The following CYFIP2 variants were observed in gnomAD, a reference collection of about 807,000 sequenced individuals.
CYFIP2 encodes the protein cytoplasmic FMR1-interacting protein 2.
CYFIP2 carries 29 observed loss-of-function variants against 158.7 expected under a neutral mutation model. The ratio of observed to expected loss-of-function variants is 0.18; its 90% CI spans 0.14 to 0.25. CYFIP2 has a LOEUF of 0.25. Among genes scored for constraint, CYFIP2 ranks in the 10% least tolerant of loss-of-function variants. The probability of loss-of-function intolerance (pLI) is 1.00; values close to 1 mark genes in which losing one functional copy is unlikely to be tolerated. For missense variants in CYFIP2, 852 were observed against 1,639.5 expected, an observed-to-expected ratio of 0.52 and a Z score of 8.29; for synonymous variants, 585 against 617.6, an observed-to-expected ratio of 0.95 and a Z score of 0.78.
intron 26 of CYFIP2, among the ~76,000 whole-genome samples, chr5:157,370,274 CAG>C (rs760662932): frequency 1.3e-4 from 20 of 152,160 alleles, no homozygotes; most frequent in Non-Finnish European, 2.8e-4. Flanking sequence ...CTAGAGCTGC[CAG>C]AGTCTTGACA....
chr5:157,282,493 T>C (rs1482158872), intron 1 of CYFIP2, among the ~76,000 whole-genome samples: 1 of 152,226 alleles, frequency 6.6e-6, no homozygotes, highest in Non-Finnish European at 1.5e-5. Context: ...AGGGCAAGTA[T>C]CCTAACTATG....
At chr5:157,285,229 A>G (rs756275086) in intron 1 of CYFIP2, 110 bp from the exon 2 acceptor site, 22 of 699,586 alleles carry the variant, frequency 3.1e-5, no homozygotes, top group Non-Finnish European at 4.6e-5. Context: ...AGTGGCCTCA[A>G]TGCATTTTAA....
Position 157,339,099 on chromosome 5 carries a change from C to T in CYFIP2, c.2428C>T (p.Leu810=). The change falls in exon 22 of 31, where the codon CTG becomes TTG. Residue 810 remains leucine (L), a synonymous_variant. Coordinates refer to ENST00000620254, the MANE Select transcript of CYFIP2 (RefSeq NM_001037333.3). ...GGAGATTAACCGGCTCACGCATCGG[C>T]TGCTCTGTAAGCATATGACGCTGGA... ...LLEINRLTHR[L]LCKHMTLDSF... is the part of the protein sequence containing the mutation. 1 of 1,613,732 alleles carries T rather than the reference C, an allele frequency of 6.2e-7. No individual in the cohort carries two copies. The highest frequency in any genetic ancestry group is 8.5e-7 in the Non-Finnish European group (1 of 1,179,782).
At chr5:157,343,449 T>C in intron 23 of CYFIP2, 1 of 1,613,988 alleles carries the variant, frequency 6.2e-7, no homozygotes, top group Non-Finnish European at 8.5e-7. Context: ...CTGTACATAA[T>C]ATGGTAATAG....
At chr5:157,360,194 G>A (rs1462688883) in intron 24 of CYFIP2, 88 bp from the exon 25 acceptor site, 2 of 1,087,556 alleles carry the variant, frequency 1.8e-6, no homozygotes, top group Non-Finnish European at 2.7e-6. Context: ...GCAAGAGCCT[G>A]CCCCATCCTC....
chr5:157,375,840 G>A lies in CYFIP2; in HGVS notation c.3040-6750G>A, dbSNP rs960852360. 2.6e-5 allele frequency: 4 copies of A among 152,192 alleles called. No individual in the cohort carries two copies. The East Asian group carries it at 7.7e-4, about 29-fold the overall frequency. The allele number at this position is 152,192 out of a possible 1,614,324, so 9.4% of individuals were successfully genotyped here. Reference sequence around the variant, plus strand: ...TAGTGTTAAGTGAGGTAATGAATGCGAAGTCTCCAGCGCTTAAGAAGCAGG... The same window carrying A: ...TAGTGTTAAGTGAGGTAATGAATGCAAAGTCTCCAGCGCTTAAGAAGCAGG... On this transcript the variant is annotated intron_variant, in intron 26 of 30. Transcript: ENST00000620254.
At chr5:157,268,870 G>T (rs149888133) in intron 1 of CYFIP2, among the ~76,000 whole-genome samples, 1 of 152,328 alleles carries the variant, frequency 6.6e-6, no homozygotes, top group South Asian at 2.1e-4. Flanking sequence ...GTGGGAGAAG[G>T]GGGGCAGGCT....
chr5:157,307,634 A>AGG, intron 8 of CYFIP2, 127 bp from the exon 9 acceptor site: 2 of 398,340 alleles, frequency 5.0e-6, no homozygotes, highest in Non-Finnish European at 8.5e-6. Flanking sequence ...GTGTCTCTAC[A>AGG]GGGTGTGTGT....
chr5:157,314,756 C>T (rs771224551), intron 12 of CYFIP2, among the ~76,000 whole-genome samples: 2 of 152,174 alleles, frequency 1.3e-5, no homozygotes, highest in Admixed American at 6.5e-5. Flanking sequence ...TTCCCTATTC[C>T]GGATGTTTCA....
At chr5:157,360,435 C>T in intron 25 of CYFIP2, 63 bp downstream of exon 25, 1 of 1,402,626 alleles carries the variant, frequency 7.1e-7, no homozygotes, top group Non-Finnish European at 9.9e-7. Flanking sequence ...TGACCATCCA[C>T]CTTAGAGCGT....
intron 23 of CYFIP2, chr5:157,345,375 C>T (rs184068269): frequency 2.6e-5 from 4 of 152,746 alleles, no homozygotes; most frequent in African/African-American, 4.8e-5. Flanking sequence ...CAAATAGCAT[C>T]CTCACCTTTT....
chr5:157,367,528 C>T (rs771731591), intron 26 of CYFIP2, among the ~76,000 whole-genome samples: 8 of 152,126 alleles, frequency 5.3e-5, no homozygotes, highest in Non-Finnish European at 1.2e-4. Flanking sequence ...TTAAGGTTAG[C>T]GTATTACAGT....
rs1275459874 is a variant in CYFIP2 at position 157,383,277 on chromosome 5, T to C, written c.3125T>C (p.Leu1042Pro). 6.2e-7 allele frequency: 1 copy of C among 1,613,814 alleles called. No individual in the cohort carries two copies. Among genetic ancestry groups the C allele is most frequent in the Non-Finnish European group, 8.5e-7 (1 of 1,179,816 alleles). The change falls in exon 28 of 31, where the codon CTG (leucine) becomes CCG (proline). Residue 1042 changes from leucine (L) to proline (P), a missense_variant. Leu to Pro is a moderately conservative substitution (Grantham distance 98, BLOSUM62 -3). Transcript: ENST00000620254. ...PRVYIKEGER[L>P]EVRMKRLEAK... is the part of the protein sequence containing the mutation. ...ACTCCTTTTGCAGAGGGGGAGCGCC[T>C]GGAGGTCCGGATGAAACGTCTGGAA...
At chr5:157,375,903 A>G (rs1367641349) in intron 26 of CYFIP2, 2 of 152,196 alleles carry the variant, frequency 1.3e-5, no homozygotes, top group Non-Finnish European at 2.9e-5. Context: ...TCCTCTTGCC[A>G]TCAGCAAAGA....
At chr5:157,320,049 T>G in intron 14 of CYFIP2, 121 bp downstream of exon 14, 1 of 1,222,310 alleles carries the variant, frequency 8.2e-7, no homozygotes, top group Non-Finnish European at 1.1e-6. Flanking sequence ...TCCAGAGGGC[T>G]CTTTAGGAGA....
At chr5:157,330,628 T>G in intron 19 of CYFIP2, 114 bp from the exon 20 acceptor site, 1 of 726,704 alleles carries the variant, frequency 1.4e-6, no homozygotes, top group South Asian at 2.1e-5. Flanking sequence ...TTACTTAAGT[T>G]ATATAAGATA....
At chr5:157,324,128 A>C (rs1308084857) in intron 16 of CYFIP2, 54 bp downstream of exon 16, 3 of 1,543,264 alleles carry the variant, frequency 1.9e-6, no homozygotes, top group African/African-American at 1.4e-5. Context: ...GAGGGCTCTC[A>C]GAGCCGCTAA....
At chr5:157,340,521 G>GA (rs991914336) in intron 22 of CYFIP2, among the ~76,000 whole-genome samples, 9 of 152,184 alleles carry the variant, frequency 5.9e-5, no homozygotes, top group African/African-American at 1.2e-4. Context: ...TGGTTGAGGG[G>GA]AAAAAATCCA....
intron 6 of CYFIP2, among the ~76,000 whole-genome samples, chr5:157,301,753 AC>A (rs1758768903): frequency 1.3e-5 from 2 of 151,992 alleles, no homozygotes; most frequent in African/African-American, 4.8e-5. Flanking sequence ...CCATAATGAG[AC>A]CCCGTCTCTT....
Sources: allele counts gnomAD v4.1 joint callset (sites outside exome capture counted in the v4.1 genomes callset), GRCh38; gene constraint gnomAD v4.1.1; transcripts MANE v1.5; gene names NCBI Gene and HGNC (gene_info 2026-07-23, HGNC 2026-07-21).